Variants in NCAM2 observed in about 807,000 individuals in gnomAD.
The protein encoded by NCAM2 is N-CAM-2.
Under a neutral mutation model 98.1 loss-of-function variants are expected in NCAM2, and 30 were observed. The observed-to-expected ratio is 0.31, with a 90% CI of 0.23 to 0.41. The LOEUF is 0.41. Among genes scored for constraint, NCAM2 ranks in the 10% least tolerant of loss-of-function variants. The pLI is 1.00. For missense variants in NCAM2, 867 were observed against 1,005.8 expected (o/e 0.86, Z 1.87); for synonymous variants, 368 against 342.4 (o/e 1.07, Z -0.83).
intron 1 of NCAM2, among the ~76,000 whole-genome samples, chr21:21,206,354 C>T (rs1393713162): frequency 6.6e-6 from 1 of 152,004 alleles, no homozygotes; most frequent in Non-Finnish European, 1.5e-5. Flanking sequence ...TTCAAACAGC[C>T]TTCAAAAACT....
In NCAM2 at chr21:21,538,857, G is replaced by A. The variant is rs1990117764; in HGVS notation, c.*900G>A. Reference sequence around the variant, plus strand: ...ATTTATCAAAAAACAAGTCTTTAGTGTTCAAATACTTCAAATCATATCCTC... The same window carrying A: ...ATTTATCAAAAAACAAGTCTTTAGTATTCAAATACTTCAAATCATATCCTC... On this transcript the variant is annotated 3_prime_UTR_variant, in exon 18 of 18. Transcript: ENST00000400546. 6.6e-6 allele frequency: 1 copy of A among 151,956 alleles called. No individual in the cohort carries two copies. The highest frequency in any genetic ancestry group is 2.1e-4 in the South Asian group (1 of 4,814). The allele number at this position is 151,956 out of a possible 1,614,324, so 9.4% of individuals were successfully genotyped here.
intron 1 of NCAM2, among the ~76,000 whole-genome samples, chr21:21,207,246 G>C (rs755770535): frequency 6.6e-6 from 1 of 152,084 alleles, no homozygotes; most frequent in Non-Finnish European, 1.5e-5. Flanking sequence ...AAGCTTTAGC[G>C]TTCTCGAGCT....
intron 1 of NCAM2, among the ~76,000 whole-genome samples, chr21:21,001,032 T>C (rs1266444788): frequency 1.3e-5 from 2 of 152,200 alleles, no homozygotes; most frequent in East Asian, 3.9e-4. Flanking sequence ...TGTCCAACAG[T>C]ATACTTGCAG....
At chr21:21,043,738 C>G (rs1039005930) in intron 1 of NCAM2, among the ~76,000 whole-genome samples, 5 of 151,110 alleles carry the variant, frequency 3.3e-5, no homozygotes, top group South Asian at 4.2e-4. Context: ...GCCTGTAGTC[C>G]CAGCTACTCG....
intron 15 of NCAM2, among the ~76,000 whole-genome samples, chr21:21,479,304 C>T (rs1270043682): frequency 6.6e-6 from 1 of 151,928 alleles, no homozygotes; most frequent in Non-Finnish European, 1.5e-5. Flanking sequence ...AAATTGTTGG[C>T]CGGGCGCGGT....
intron 1 of NCAM2, among the ~76,000 whole-genome samples, chr21:21,039,482 C>G (rs1264896219): frequency 2.6e-5 from 4 of 152,084 alleles, no homozygotes; most frequent in African/African-American, 9.7e-5. Context: ...ATAAATGCTC[C>G]AGGTGATGAA....
intron 8 of NCAM2, among the ~76,000 whole-genome samples, chr21:21,370,777 T>A (rs1195148881): frequency 2.0e-5 from 3 of 151,850 alleles, no homozygotes; most frequent in Non-Finnish European, 4.4e-5. Flanking sequence ...CATCTTAAAA[T>A]GGAAATACTA....
At chr21:21,407,213 GC>G (rs1392044527) in intron 9 of NCAM2, among the ~76,000 whole-genome samples, 1 of 152,170 alleles carries the variant, frequency 6.6e-6, no homozygotes, top group Non-Finnish European at 1.5e-5. Flanking sequence ...CTAATCTTGT[GC>G]CAGTGAATAT....
At chr21:21,057,034 G>A (rs1420868140) in intron 1 of NCAM2, among the ~76,000 whole-genome samples, 3 of 152,038 alleles carry the variant, frequency 2.0e-5, no homozygotes, top group East Asian at 1.9e-4. Flanking sequence ...CTCTTAAAGA[G>A]TGTTTCATAT....
chr21:21,269,237 T>C (rs1327348880), intron 1 of NCAM2, among the ~76,000 whole-genome samples: 1 of 152,182 alleles, frequency 6.6e-6, no homozygotes, highest in African/African-American at 2.4e-5. Context: ...GGCTATAATA[T>C]AAAGAGCTCC....
intron 11 of NCAM2, among the ~76,000 whole-genome samples, chr21:21,429,178 C>A (rs73324859): frequency 7.9e-5 from 12 of 152,092 alleles, no homozygotes; most frequent in African/African-American, 2.9e-4. Flanking sequence ...GATCTGAAAA[C>A]GGACTATATA....
At chr21:21,184,031 G>A (rs969083231) in intron 1 of NCAM2, among the ~76,000 whole-genome samples, 1 of 151,954 alleles carries the variant, frequency 6.6e-6, no homozygotes, top group Admixed American at 6.6e-5. Flanking sequence ...GTATTAAAAT[G>A]GCAAAGGAGA....
At chr21:21,498,768 A>T (rs753160616) in intron 15 of NCAM2, among the ~76,000 whole-genome samples, 1 of 152,232 alleles carries the variant, frequency 6.6e-6, no homozygotes, top group African/African-American at 2.4e-5. Flanking sequence ...TTTAAAAGTT[A>T]TAATTTTATG....
intron 1 of NCAM2, among the ~76,000 whole-genome samples, chr21:21,262,075 A>C (rs1601798524): frequency 1.3e-5 from 2 of 152,186 alleles, no homozygotes; most frequent in African/African-American, 4.8e-5. Context: ...ACCACTATGA[A>C]CATCTCTATG....
At chr21:21,065,778 T>TA (rs2065423406) in intron 1 of NCAM2, among the ~76,000 whole-genome samples, 1 of 152,170 alleles carries the variant, frequency 6.6e-6, no homozygotes, top group South Asian at 2.1e-4. Context: ...CTACTATATT[T>TA]ATCCTTAGCC....
intron 12 of NCAM2, among the ~76,000 whole-genome samples, chr21:21,436,759 C>CTT (rs71322061): frequency 1.3e-3 from 186 of 141,582 alleles, no homozygotes; most frequent in Non-Finnish European, 1.6e-3. Flanking sequence ...ACAGAAGCAA[C>CTT]TTTTTTTTTC....
chr21:21,039,483 A>T (rs1236127409), intron 1 of NCAM2, among the ~76,000 whole-genome samples: 1 of 152,222 alleles, frequency 6.6e-6, no homozygotes, highest in Non-Finnish European at 1.5e-5. Context: ...TAAATGCTCC[A>T]GGTGATGAAC....
intron 6 of NCAM2, among the ~76,000 whole-genome samples, chr21:21,329,114 C>T (rs957011290): frequency 6.6e-6 from 1 of 151,786 alleles, no homozygotes; most frequent in South Asian, 2.1e-4. Flanking sequence ...GCCACCATGC[C>T]CGGCTAATTT....
intron 4 of NCAM2, among the ~76,000 whole-genome samples, chr21:21,290,481 T>G (rs956814586): frequency 1.3e-5 from 2 of 151,856 alleles, no homozygotes; most frequent in Non-Finnish European, 2.9e-5. Context: ...TTCTCCCCAG[T>G]CTTTCTTTTG....
Sources: allele counts gnomAD v4.1 joint callset (sites outside exome capture counted in the v4.1 genomes callset), GRCh38; gene constraint gnomAD v4.1.1; transcripts MANE v1.5; gene names NCBI Gene and HGNC (gene_info 2026-07-23, HGNC 2026-07-21).